IGSF11: variants seen among roughly 807,000 people sequenced by gnomAD.
The protein encoded by IGSF11 is CXADR like 1.
Under a neutral mutation model 41.0 loss-of-function variants are expected in IGSF11, and 22 were observed. The ratio of observed to expected loss-of-function variants is 0.54; its 90% CI spans 0.38 to 0.77. The LOEUF (loss-of-function observed/expected upper bound fraction) is 0.77, where lower values mean the gene tolerates loss of function less well. Ranked by LOEUF, IGSF11 falls within the 30% of genes least tolerant of loss-of-function variation. The pLI is 0.00. For missense variants in IGSF11, 444 were observed against 530.8 expected, an observed-to-expected ratio of 0.84 and a Z score of 1.61; for synonymous variants, 219 against 201.3, an observed-to-expected ratio of 1.09 and a Z score of -0.74.
chr3:119,060,644 T>A (rs1389670977), intron 1 of IGSF11, among the ~76,000 whole-genome samples: 1 of 152,160 alleles, frequency 6.6e-6, no homozygotes, highest in East Asian at 1.9e-4. Flanking sequence ...AGCTTTAAAC[T>A]GCATAGTCAA....
At chr3:118,996,075 C>G (rs58781511) in intron 1 of IGSF11, among the ~76,000 whole-genome samples, 1 of 151,994 alleles carries the variant, frequency 6.6e-6, no homozygotes, top group Non-Finnish European at 1.5e-5. Flanking sequence ...TGAGCCACCA[C>G]GCATGGACAG....
intron 1 of IGSF11, among the ~76,000 whole-genome samples, chr3:119,029,398 C>A (rs1940181810): frequency 6.6e-6 from 1 of 152,162 alleles, no homozygotes. Flanking sequence ...TGCCCACACT[C>A]CCACATACCC....
intron 1 of IGSF11, among the ~76,000 whole-genome samples, chr3:119,114,096 CA>C (rs2077223164): frequency 6.6e-6 from 1 of 152,224 alleles, no homozygotes; most frequent in Non-Finnish European, 1.5e-5. Context: ...GCCCATGGCC[CA>C]TGAAACCTAA....
intron 1 of IGSF11, among the ~76,000 whole-genome samples, chr3:118,959,992 C>A (rs570691551): frequency 6.7e-6 from 1 of 149,018 alleles, no homozygotes; most frequent in Non-Finnish European, 1.5e-5. Context: ...TTGCAGTGAG[C>A]GGAGATCGCG....
In IGSF11 at chr3:118,926,038, C is replaced by T. The variant is rs187596329; in HGVS notation, c.580+63G>A. 6.4e-5 allele frequency: 78 copies of T among 1,225,596 alleles called. No homozygotes were observed. The African/African-American group carries it at 1.2e-3, about 18-fold the overall frequency. 75.9% of individuals were successfully genotyped at this position (1,225,596 alleles called of 1,614,324 possible). On this transcript the variant is annotated intron_variant, in intron 4 of 6. Transcript: ENST00000393775. Reference sequence around the variant, plus strand: ...TTTCAAAACCTATTAAAGTTAATTACTTTTTGAATATTAGAATTGTCCATG... The same window carrying T: ...TTTCAAAACCTATTAAAGTTAATTATTTTTTGAATATTAGAATTGTCCATG...
intron 4 of IGSF11, among the ~76,000 whole-genome samples, chr3:118,914,401 AC>A (rs1227364816): frequency 1.3e-5 from 2 of 151,450 alleles, no homozygotes; most frequent in African/African-American, 4.8e-5. Context: ...GGGTGCGCGC[AC>A]CGTGTGCGAG....
At chr3:118,947,026 T>C (rs1944201769) in intron 1 of IGSF11, 2 of 152,192 alleles carry the variant, frequency 1.3e-5, no homozygotes, top group South Asian at 2.1e-4. Context: ...TTCTCTTTTC[T>C]CTCCTCCTAA....
chr3:119,144,999 T>C (rs538846703), intron 1 of IGSF11, among the ~76,000 whole-genome samples: 1 of 152,320 alleles, frequency 6.6e-6, no homozygotes, highest in South Asian at 2.1e-4. Flanking sequence ...CATTTTTAAA[T>C]AAATAAGGTA....
At chr3:119,142,140 T>C (rs1206463095) in intron 1 of IGSF11, among the ~76,000 whole-genome samples, 1 of 151,834 alleles carries the variant, frequency 6.6e-6, no homozygotes, top group Non-Finnish European at 1.5e-5. Context: ...CTGGGCATGG[T>C]GGCGGGCACC....
chr3:119,138,091 C>T (rs1259343991), intron 1 of IGSF11, among the ~76,000 whole-genome samples: 1 of 150,994 alleles, frequency 6.6e-6, no homozygotes, highest in East Asian at 1.9e-4. Context: ...GAGAAAAGAA[C>T]CCTTGTAGAC....
At chr3:119,007,454 G>A (rs1353267069) in intron 1 of IGSF11, among the ~76,000 whole-genome samples, 3 of 151,920 alleles carry the variant, frequency 2.0e-5, no homozygotes, top group South Asian at 2.1e-4. Context: ...GCTGTAGACC[G>A]GAGCTGTTCC....
upstream of IGSF11, among the ~76,000 whole-genome samples, chr3:119,108,531 C>A (rs2077078636): frequency 6.7e-6 from 1 of 148,162 alleles, no homozygotes; most frequent in African/African-American, 2.5e-5. Flanking sequence ...ATGTCATCTG[C>A]AAACAGGGAC....
intron 1 of IGSF11, among the ~76,000 whole-genome samples, chr3:119,066,250 G>C (rs897996235): frequency 2.0e-5 from 3 of 152,050 alleles, no homozygotes; most frequent in Non-Finnish European, 4.4e-5. Flanking sequence ...TTCCAAACAA[G>C]GTAACATTTG....
In IGSF11 at chr3:118,905,730, A is replaced by G. The variant is rs1211336835; in HGVS notation, c.581-12T>C. 6.2e-7 allele frequency: 1 copy of G among 1,613,182 alleles called. No individual in the cohort carries two copies. The highest frequency in any genetic ancestry group is 8.5e-7 in the Non-Finnish European group (1 of 1,179,458). On this transcript the variant is annotated splice_polypyrimidine_tract_variant and intron_variant, in intron 4 of 6. Coordinates refer to ENST00000393775, the MANE Select transcript of IGSF11 (RefSeq NM_001015887.3). Reference sequence around the variant, plus strand: ...TCCCTGGACCTGGTCTGTCACAAAAATAATAACCGAGTGAGGATTTGGCGG... The same window carrying G: ...TCCCTGGACCTGGTCTGTCACAAAAGTAATAACCGAGTGAGGATTTGGCGG...
Position 119,080,078 on chromosome 3 carries a change from A to G in IGSF11, c.49+25066T>C, listed in dbSNP as rs138365793. Among the ~76,000 whole-genome samples, 442 of 152,326 alleles carry G rather than the reference A, an allele frequency of 2.9e-3. 3 individuals are homozygous for G. Among genetic ancestry groups the G allele is most frequent in the African/African-American group, 9.8e-3 (407 of 41,550 alleles). The stretch of plus-strand genomic sequence containing the variant: ...ATAAAAAAGGGTTAGGTTAAATTGC[A>G]GCCCTACTAAGTAAGTAATTATTTA... On this transcript the variant is annotated intron_variant, in intron 1 of 6. Transcript: ENST00000354673.
rs1261799581 is a variant in IGSF11, at chr3:118,901,499, T to C, written c.*1021A>G. On this transcript the variant is annotated 3_prime_UTR_variant, in exon 7 of 7. Coordinates refer to ENST00000393775, the MANE Select transcript of IGSF11 (RefSeq NM_001015887.3). ...CTTGTCAAATAAGGAGAAAGTTACATACCTCAGTACAAAAGGCATCAGGTG... is the reference window on the plus strand; with the variant it reads ...CTTGTCAAATAAGGAGAAAGTTACACACCTCAGTACAAAAGGCATCAGGTG... 6.6e-6 allele frequency: 1 copy of C among 152,190 alleles called. No individual in the cohort carries two copies. Among genetic ancestry groups the C allele is most frequent in the Non-Finnish European group, 1.5e-5 (1 of 68,032 alleles). 9.4% of individuals were successfully genotyped at this position (152,190 alleles called of 1,614,324 possible).
intron 1 of IGSF11, among the ~76,000 whole-genome samples, chr3:119,074,925 C>T (rs919999315): frequency 4.0e-5 from 6 of 151,874 alleles, no homozygotes; most frequent in African/African-American, 1.5e-4. Flanking sequence ...CCTAGAGGAA[C>T]TAGAAAAACA....
intron 4 of IGSF11, among the ~76,000 whole-genome samples, chr3:118,912,241 T>C (rs1046096481): frequency 2.0e-5 from 3 of 152,232 alleles, no homozygotes; most frequent in Admixed American, 6.5e-5. Flanking sequence ...GTGTTTTTTT[T>C]CTAATTATCC....
intron 1 of IGSF11, among the ~76,000 whole-genome samples, chr3:119,127,371 T>G (rs4579010): frequency 0.46 from 69,844 of 151,222 alleles, 16,179 homozygotes; most frequent in African/African-American, 0.48. Flanking sequence ...AGAAATATGG[T>G]ACTTCATAAA....
Sources: gnomAD v4.1 joint callset for allele counts (sites outside exome capture counted in the v4.1 genomes callset) on GRCh38, gnomAD v4.1.1 for gene constraint, MANE v1.5 for transcripts, NCBI Gene and HGNC (gene_info 2026-07-23, HGNC 2026-07-21) for gene names.